XIRP2: variants seen among roughly 807,000 people sequenced by gnomAD.
XIRP2 encodes the protein xin actin binding repeat containing 2.
In XIRP2, 236 loss-of-function variants were observed where a neutral mutation model predicts 277.0. The ratio of observed to expected loss-of-function variants is 0.85; its 90% confidence interval spans 0.77 to 0.95. The LOEUF (loss-of-function observed/expected upper bound fraction) is 0.95. XIRP2 is among the 40% of genes least tolerant of loss of function. XIRP2 has a pLI of 0.00. For missense variants in XIRP2, 4,640 were observed against 4,157.5 expected (o/e 1.12, Z -3.19); for synonymous variants, 1,490 against 1,416.5 (o/e 1.05, Z -1.17).
intron 5 of XIRP2, among the ~76,000 whole-genome samples, chr2:167,225,395 G>C (rs1183357559): frequency 2.6e-5 from 4 of 152,110 alleles, no homozygotes; most frequent in Non-Finnish European, 5.9e-5. Context: ...GTATGGAAGG[G>C]AAAGAAAAGG....
At chr2:166,905,560 A>T (rs561253122) in intron 2 of XIRP2, among the ~76,000 whole-genome samples, 26 of 152,092 alleles carry the variant, frequency 1.7e-4, no homozygotes, top group Non-Finnish European at 3.7e-4. Flanking sequence ...TAAAAATGAG[A>T]TTAGTTTAGT....
intron 5 of XIRP2, among the ~76,000 whole-genome samples, chr2:167,237,628 A>G (rs1289975233): frequency 2.0e-5 from 3 of 152,180 alleles, no homozygotes; most frequent in Non-Finnish European, 4.4e-5. Flanking sequence ...TCGAAACTTT[A>G]AAATCACTGT....
intron 2 of XIRP2, among the ~76,000 whole-genome samples, chr2:166,936,957 T>C (rs150796030): frequency 0.014 from 2,165 of 152,324 alleles, 60 homozygotes; most frequent in African/African-American, 0.05. Flanking sequence ...AAGAAAGTTA[T>C]TGGTAGCTTA....
chr2:167,217,692 G>T (rs979883972), intron 4 of XIRP2, among the ~76,000 whole-genome samples: 3 of 152,000 alleles, frequency 2.0e-5, no homozygotes, highest in Non-Finnish European at 4.4e-5. Context: ...AATATTCTGA[G>T]GCTATTTTGT....
chr2:167,208,854 A>G, intron 3 of XIRP2, among the ~76,000 whole-genome samples: 1 of 152,248 alleles, frequency 6.6e-6, no homozygotes, highest in East Asian at 1.9e-4. Flanking sequence ...AAAACTTTAG[A>G]GTGTTATGTT....
rs977029345 is a variant in XIRP2, at chr2:166,969,447, T to C, written c.408+65557T>C. ...TTTAAATTTGATAAATAACTACTTATTAATATGAAACATGATAATCTATTA... is the reference window on the plus strand; with the variant it reads ...TTTAAATTTGATAAATAACTACTTACTAATATGAAACATGATAATCTATTA... On this transcript the variant is annotated intron_variant, in intron 2 of 10. Transcript: ENST00000409195. Among the ~76,000 whole-genome samples the C allele has an allele frequency of 2.6e-5, 4 of 152,130 alleles. No individual in the cohort carries two copies. The East Asian group carries it at 5.8e-4, about 22-fold the overall frequency.
At chr2:167,191,760 A>G (rs1260864836) in intron 3 of XIRP2, among the ~76,000 whole-genome samples, 2 of 152,302 alleles carry the variant, frequency 1.3e-5, no homozygotes, top group East Asian at 3.9e-4. Context: ...CTTCAAGTAG[A>G]TCTTTGTCTT....
chr2:167,003,980 T>C (rs1048176707), intron 2 of XIRP2, among the ~76,000 whole-genome samples: 18 of 151,948 alleles, frequency 1.2e-4, no homozygotes, highest in Non-Finnish European at 1.8e-4. Flanking sequence ...TTTTAAATTA[T>C]CGAGTTAAAA....
intron 2 of XIRP2, among the ~76,000 whole-genome samples, chr2:166,925,581 G>A (rs1685158425): frequency 1.7e-5 from 2 of 121,042 alleles, no homozygotes; most frequent in Non-Finnish European, 3.3e-5. Flanking sequence ...GTATGTGTGT[G>A]TGTATGTGTA....
At chr2:167,201,249 A>AAGGAGGGAGGGAGGGAAGGAAG (rs1559018365) in intron 3 of XIRP2, among the ~76,000 whole-genome samples, 21 of 99,706 alleles carry the variant, frequency 2.1e-4, no homozygotes, top group African/African-American at 8.9e-4. Flanking sequence ...AAAGAAAGAA[A>AAGGAGGGAGGGAGGGAAGGAAG]GAAAGAAAGA....
chr2:166,963,696 GA>G (rs1445650204), intron 2 of XIRP2, among the ~76,000 whole-genome samples: 1 of 151,748 alleles, frequency 6.6e-6, no homozygotes, highest in Non-Finnish European at 1.5e-5. Context: ...CTCTCAGAAA[GA>G]AGACCAGCAT....
chr2:167,105,500 T>G (rs965605939), intron 2 of XIRP2, among the ~76,000 whole-genome samples: 1 of 151,978 alleles, frequency 6.6e-6, no homozygotes, highest in African/African-American at 2.4e-5. Context: ...TCATTTTTAT[T>G]GCTGTATAGT....
Position 167,210,839 on chromosome 2 carries a change from A to C in XIRP2, c.667A>C (p.Met223Leu), listed in dbSNP as rs1162532457. ...CGAAGTGGTCTCCCTGAAGGAGCGG[A>C]TGGCGAGGTACCAGGCAGCTGTTTC... ...LHEVVSLKER[M>L]ARYQAAVSRG... is the part of the protein sequence containing the mutation. The change falls in exon 4 of 11, where the codon ATG (methionine) becomes CTG (leucine). Residue 223 changes from methionine to leucine, a missense_variant. Physicochemically the swap from Met to Leu is conservative, Grantham distance 15. Transcript: ENST00000409195. 2.5e-6 allele frequency: 4 copies of C among 1,614,046 alleles called. No individual in the cohort carries two copies. The highest frequency in any genetic ancestry group is 3.4e-6 in the Non-Finnish European group (4 of 1,180,022).
intron 3 of XIRP2, among the ~76,000 whole-genome samples, chr2:167,204,970 T>C (rs1693816169): frequency 6.6e-6 from 1 of 152,170 alleles, no homozygotes. Flanking sequence ...TTTCTTAATG[T>C]TTTCCTCAAA....
chr2:167,247,279 G>A lies in XIRP2; in HGVS notation c.5887G>A (p.Asp1963Asn), dbSNP rs1452054556. ...MAGSSGEQKT[D>N]IHQVAVQRNK... ...AGGATCCTCGGGAGAGCAGAAAACA[G>A]ATATTCATCAGGTTGCTGTCCAGAG... Residue 1963 changes from aspartate to asparagine, a missense_variant, in exon 9 of 11, where the codon GAT becomes AAT. By Grantham distance (23) the Asp-to-Asn change is conservative. Transcript: ENST00000409195. The A allele has an allele frequency of 1.2e-6, 2 of 1,613,712 alleles. No individual in the cohort carries two copies. Among genetic ancestry groups the A allele is most frequent in the African/African-American group, 1.3e-5 (1 of 75,002 alleles).
At chr2:167,229,823 G>A (rs1310912416) in intron 5 of XIRP2, among the ~76,000 whole-genome samples, 1 of 152,102 alleles carries the variant, frequency 6.6e-6, no homozygotes, top group Non-Finnish European at 1.5e-5. Context: ...ACGTATGTTA[G>A]GGTAACTTCA....
rs1177548670 is a variant in XIRP2 at position 167,244,516 on chromosome 2, A to G, written c.3124A>G (p.Ile1042Val). The change falls in exon 9 of 11, where the codon ATA (isoleucine) becomes GTA (valine). Residue 1042 changes from isoleucine (I) to valine (V), a missense_variant. Physicochemically the swap from Ile to Val is conservative, Grantham distance 29. Coordinates refer to ENST00000409195, the MANE Select transcript of XIRP2 (RefSeq NM_152381.6). Reference sequence around the variant, plus strand: ...TCATAAATTTCAAATAATTAGAGGAATATCTGCTCAAGAAATACAGACTGG... The same window carrying G: ...TCATAAATTTCAAATAATTAGAGGAGTATCTGCTCAAGAAATACAGACTGG... ...SIHKFQIIRG[I>V]SAQEIQTGNV... is the part of the protein sequence containing the mutation. 1 of 1,613,552 alleles carries G rather than the reference A, an allele frequency of 6.2e-7. No individual in the cohort carries two copies. The highest frequency in any genetic ancestry group is 1.1e-5 in the South Asian group (1 of 91,036).
At chr2:167,065,397 A>T (rs896857388) in intron 2 of XIRP2, among the ~76,000 whole-genome samples, 2 of 151,832 alleles carry the variant, frequency 1.3e-5, no homozygotes, top group African/African-American at 4.8e-5. Flanking sequence ...AGTTCTTTAT[A>T]TATACTGGAT....
In XIRP2 at chr2:167,244,591, A is replaced by T; in HGVS notation, c.3199A>T (p.Ile1067Phe). ...WLFETQPLDS[I>F]KYFSDVEETE... ...GTTTGAAACCCAACCTCTTGATTCA[A>T]TTAAATATTTTAGTGATGTGGAAGA... is the stretch of plus-strand genomic sequence containing the variant. Residue 1067 changes from isoleucine (I) to phenylalanine (F), a missense_variant, in exon 9 of 11, where the codon ATT becomes TTT. Ile to Phe is a conservative substitution (Grantham distance 21). Transcript: ENST00000409195. The T allele has an allele frequency of 6.2e-7, 1 of 1,612,694 alleles. No homozygotes were observed. The highest frequency in any genetic ancestry group is 8.5e-7 in the Non-Finnish European group (1 of 1,179,418).
Sources: gnomAD v4.1 joint callset for allele counts (sites outside exome capture counted in the v4.1 genomes callset) on GRCh38, gnomAD v4.1.1 for gene constraint, MANE v1.5 for transcripts, NCBI Gene and HGNC (gene_info 2026-07-23, HGNC 2026-07-21) for gene names.